Variants in TSHZ2 observed in about 807,000 individuals in gnomAD.
TSHZ2 encodes the protein teashirt zinc finger homeobox 2.
TSHZ2 carries 21 observed loss-of-function variants against 74.4 expected under a neutral mutation model. The ratio of observed to expected loss-of-function variants is 0.28; its 90% confidence interval spans 0.20 to 0.41. The LOEUF is 0.41. Among genes scored for constraint, TSHZ2 ranks in the 10% least tolerant of loss-of-function variants. TSHZ2 has a pLI of 1.00. For synonymous variants in TSHZ2, 540 were observed against 515.3 expected (o/e 1.05, Z -0.65); for missense variants, 1,244 against 1,293.5 (o/e 0.96, Z 0.59).
chr20:53,412,352 A>G (rs1048107859), intron 2 of TSHZ2, among the ~76,000 whole-genome samples: 3 of 152,272 alleles, frequency 2.0e-5, no homozygotes, highest in Non-Finnish European at 2.9e-5. Context: ...ACTGGTTCCC[A>G]GCCTGTGTGC....
intron 2 of TSHZ2, among the ~76,000 whole-genome samples, chr20:53,343,845 C>A (rs997868908): frequency 1.3e-5 from 2 of 152,206 alleles, no homozygotes; most frequent in South Asian, 4.1e-4. Flanking sequence ...TTAAATGAAG[C>A]TCAGAAAATG....
intron 1 of TSHZ2, among the ~76,000 whole-genome samples, chr20:52,990,686 C>A (rs1021199840): frequency 3.3e-5 from 5 of 152,096 alleles, no homozygotes; most frequent in Non-Finnish European, 5.9e-5. Context: ...CAGTCAATCC[C>A]GCAATTTAAC....
chr20:53,350,089 C>T (rs1980592711), intron 2 of TSHZ2, among the ~76,000 whole-genome samples: 1 of 152,232 alleles, frequency 6.6e-6, no homozygotes, highest in Admixed American at 6.5e-5. Flanking sequence ...CCTGTGATTA[C>T]ATTGGGTCTG....
chr20:52,980,716 C>T (rs2122876664), intron 1 of TSHZ2, among the ~76,000 whole-genome samples: 1 of 152,326 alleles, frequency 6.6e-6, no homozygotes, highest in Admixed American at 6.5e-5. Flanking sequence ...AAAGAAACTT[C>T]CGTAATGCTT....
intron 2 of TSHZ2, among the ~76,000 whole-genome samples, chr20:53,481,259 TTTAC>T: frequency 1.3e-5 from 2 of 152,058 alleles, no homozygotes; most frequent in South Asian, 4.2e-4. Flanking sequence ...AGGTTTTTAC[TTTAC>T]TTTTCTTTTA....
chr20:53,366,463 C>A (rs1429233642), intron 2 of TSHZ2, among the ~76,000 whole-genome samples: 1 of 152,168 alleles, frequency 6.6e-6, no homozygotes, highest in African/African-American at 2.4e-5. Context: ...CAGCTTGATT[C>A]CAAACATGAT....
intron 2 of TSHZ2, among the ~76,000 whole-genome samples, chr20:53,299,461 C>CT (rs1991438225): frequency 6.6e-6 from 1 of 152,154 alleles, no homozygotes; most frequent in African/African-American, 2.4e-5. Flanking sequence ...TAAATGTGTA[C>CT]TTTTAAAACT....
At chr20:53,167,189 T>C (rs1988083326) in intron 1 of TSHZ2, among the ~76,000 whole-genome samples, 1 of 152,210 alleles carries the variant, frequency 6.6e-6, no homozygotes, top group Non-Finnish European at 1.5e-5. Context: ...GGAAGATGAA[T>C]GTAGAGGCCA....
chr20:53,319,271 T>C (rs560707120), intron 2 of TSHZ2, among the ~76,000 whole-genome samples: 11 of 152,360 alleles, frequency 7.2e-5, no homozygotes, highest in Admixed American at 2.6e-4. Flanking sequence ...AGAATTTATG[T>C]TCCAGGAGAG....
intron 2 of TSHZ2, among the ~76,000 whole-genome samples, chr20:53,302,664 A>C (rs1035954379): frequency 1.3e-5 from 2 of 152,170 alleles, no homozygotes; most frequent in African/African-American, 4.8e-5. Flanking sequence ...AATTAAATGG[A>C]GTAAGTTCCT....
chr20:53,408,855 T>G (rs1293003262), intron 2 of TSHZ2, among the ~76,000 whole-genome samples: 1 of 152,206 alleles, frequency 6.6e-6, no homozygotes, highest in Non-Finnish European at 1.5e-5. Context: ...AGTGGGGTGA[T>G]CTCACGATGG....
rs187519428 is a variant in TSHZ2, at chr20:53,066,588, A to G, written c.40+93255A>G. On this transcript the variant is annotated intron_variant, in intron 1 of 2. Coordinates refer to ENST00000371497, the MANE Select transcript of TSHZ2 (RefSeq NM_173485.6). ...GGCTGGAGTGCAGTGGCTCACTGCA[A>G]CCTCCGCCTCCTGGGTTCAAGTGAT... is the stretch of plus-strand genomic sequence containing the variant. Among the ~76,000 whole-genome samples, 146 of 151,946 alleles carry G rather than the reference A, an allele frequency of 9.6e-4. 3 individuals are homozygous for G. The highest frequency in any genetic ancestry group is 8.0e-3 in the East Asian group (41 of 5,142).
intron 2 of TSHZ2, among the ~76,000 whole-genome samples, chr20:53,423,228 G>A (rs113470928): frequency 0.036 from 5,512 of 152,146 alleles, 305 homozygotes; most frequent in African/African-American, 0.12. Flanking sequence ...GCAAAACCCC[G>A]TCTCTACTAA....
intron 2 of TSHZ2, among the ~76,000 whole-genome samples, chr20:53,406,153 A>C (rs1451631780): frequency 6.6e-6 from 1 of 152,140 alleles, no homozygotes; most frequent in Non-Finnish European, 1.5e-5. Context: ...GGGGGCACAG[A>C]ACCACCAACT....
intron 2 of TSHZ2, among the ~76,000 whole-genome samples, chr20:53,436,297 A>C (rs1984062386): frequency 6.6e-6 from 1 of 152,084 alleles, no homozygotes; most frequent in Admixed American, 6.5e-5. Flanking sequence ...ATGAAAGGTA[A>C]TGTGCCTTCT....
intron 2 of TSHZ2, among the ~76,000 whole-genome samples, chr20:53,393,137 G>A (rs1026996997): frequency 2.0e-5 from 3 of 152,090 alleles, no homozygotes; most frequent in African/African-American, 7.2e-5. Context: ...CCAATAGGTA[G>A]TTTTTCAATC....
rs190769757 is a variant in TSHZ2 at position 53,369,434 on chromosome 20, C to T, written c.*8+112863C>T. On this transcript the variant is annotated intron_variant, in intron 2 of 2. Transcript: ENST00000371497. The stretch of plus-strand genomic sequence containing the variant: ...TGAAAGTCCCTGAGGAGGCCGAGCG[C>T]TGTGGCTCCCGCCTGTAATCTCAGC... Among the ~76,000 whole-genome samples, 667 of 152,046 alleles carry T rather than the reference C, an allele frequency of 4.4e-3. 9 individuals are homozygous for T. The highest frequency in any genetic ancestry group is 3.0e-3 in the Non-Finnish European group (207 of 67,976).
At chr20:53,222,055 A>G (rs753391168) in intron 1 of TSHZ2, among the ~76,000 whole-genome samples, 2 of 152,134 alleles carry the variant, frequency 1.3e-5, no homozygotes, top group Non-Finnish European at 2.9e-5. Context: ...TTGGATGGCT[A>G]ATGGTCAAAA....
intron 2 of TSHZ2, among the ~76,000 whole-genome samples, chr20:53,380,356 A>G (rs1350357814): frequency 6.6e-6 from 1 of 152,182 alleles, no homozygotes; most frequent in East Asian, 1.9e-4. Context: ...TACTCAATAC[A>G]TCCATGATAG....
Sources: gnomAD v4.1 joint callset for allele counts (sites outside exome capture counted in the v4.1 genomes callset) on GRCh38, gnomAD v4.1.1 for gene constraint, MANE v1.5 for transcripts, NCBI Gene and HGNC (gene_info 2026-07-23, HGNC 2026-07-21) for gene names.